FAM216A: variants seen among roughly 807,000 people sequenced by gnomAD.
The protein encoded by FAM216A is family with sequence similarity 216 member A.
FAM216A carries 26 observed loss-of-function variants against 37.6 expected under a neutral mutation model. That is an observed-to-expected ratio of 0.69 (90% CI 0.51 to 0.96). FAM216A has a LOEUF of 0.96. FAM216A is among the 40% of genes least tolerant of loss of function. The pLI is 0.00. For synonymous variants in FAM216A, 110 were observed against 121.7 expected (o/e 0.90, Z 0.64); for missense variants, 326 against 339.3 (o/e 0.96, Z 0.31).
At chr12:110,468,619 T>G, upstream of FAM216A, 1 of 1,537,196 alleles carries the variant, frequency 6.5e-7, no homozygotes, top group Non-Finnish European at 8.7e-7. Flanking sequence ...GGAAGGCACC[T>G]CTTGTTTTGG....
chr12:110,468,675 G>A (rs1161164680), upstream of FAM216A: 1 of 1,533,780 alleles, frequency 6.5e-7, no homozygotes, highest in African/African-American at 1.4e-5. Flanking sequence ...TCCACAGAGA[G>A]GTGCAAACGT....
intron 5 of FAM216A, chr12:110,486,940 TACAGAAAGCATCTCACTA>T (rs1464739031): frequency 1.8e-5 from 9 of 495,262 alleles, no homozygotes; most frequent in Admixed American, 3.6e-5. Flanking sequence ...AAATTGTTTG[TACAGAAAGCATCTCACTA>T]TGTTGGCCAA....
In FAM216A at chr12:110,486,424, C is replaced by G; in HGVS notation, c.406C>G (p.His136Asp). Reference sequence around the variant, plus strand: ...GATGTTAATGAAGAGGCAGTACATGCACGTACTTCAGCACAGCTCACAAAA... The same window carrying G: ...GATGTTAATGAAGAGGCAGTACATGGACGTACTTCAGCACAGCTCACAAAA... ...LKMLMKRQYM[H>D]VLQHSSQKPG... The change falls in exon 4 of 7, where the codon CAC becomes GAC. Residue 136 changes from histidine (H) to aspartate (D), a missense_variant. Transcript: ENST00000377673. 1 of 1,613,932 alleles carries G rather than the reference C, an allele frequency of 6.2e-7. No individual in the cohort carries two copies. Among genetic ancestry groups the G allele is most frequent in the Non-Finnish European group, 8.5e-7 (1 of 1,179,850 alleles).
chr12:110,482,794 CA>C (rs547165958), intron 2 of FAM216A, among the ~76,000 whole-genome samples: 1,440 of 93,826 alleles, frequency 0.015, 12 homozygotes, highest in Admixed American at 0.027. Context: ...GACTCCATCT[CA>C]AAAAAAAAAA....
chr12:110,469,604 G>T (rs1443971412), intron 1 of FAM216A, among the ~76,000 whole-genome samples: 3 of 151,950 alleles, frequency 2.0e-5, no homozygotes, highest in African/African-American at 7.3e-5. Flanking sequence ...CAGCCTCCCA[G>T]GTTCAAGTGA....
chr12:110,489,160 G>A (rs2062794957), intron 6 of FAM216A, among the ~76,000 whole-genome samples: 1 of 152,196 alleles, frequency 6.6e-6, no homozygotes, highest in Admixed American at 6.5e-5. Flanking sequence ...GTTAAATCAT[G>A]TTAAGTAGTT....
chr12:110,473,175 T>G, intron 2 of FAM216A, 57 bp downstream of exon 2: 1 of 946,672 alleles, frequency 1.1e-6, no homozygotes, highest in Non-Finnish European at 1.6e-6. Flanking sequence ...CTGAGAAGCC[T>G]ATTTGTCTGT....
At chr12:110,485,027 T>C in intron 2 of FAM216A, 51 bp from the exon 3 acceptor site, 2 of 1,572,946 alleles carry the variant, frequency 1.3e-6, no homozygotes, top group Non-Finnish European at 1.7e-6. Context: ...ATAATTCAGT[T>C]TGTTGAACTG....
rs539887632 is a variant in FAM216A at position 110,476,316 on chromosome 12, C to G, written c.184+3198C>G. 2.0e-5 allele frequency among the ~76,000 whole-genome samples: 3 copies of G among 151,488 alleles called. 1 individual carries two copies. The South Asian group carries it at 6.3e-4, about 32-fold the overall frequency. On this transcript the variant is annotated intron_variant, in intron 2 of 6. Coordinates refer to ENST00000377673, the MANE Select transcript of FAM216A (RefSeq NM_013300.3). The stretch of plus-strand genomic sequence containing the variant: ...CCAGGTTCACGCCATTCTCCTGCCT[C>G]AGCCTCCCGGGTAGCTGGGACTACA...
intron 2 of FAM216A, among the ~76,000 whole-genome samples, chr12:110,482,522 A>G (rs901680885): frequency 1.3e-5 from 2 of 151,396 alleles, no homozygotes; most frequent in Non-Finnish European, 3.0e-5. Context: ...CAGGCCGGGC[A>G]CGGTGGCTCA....
intron 2 of FAM216A, among the ~76,000 whole-genome samples, chr12:110,480,607 G>A (rs2062741980): frequency 6.6e-6 from 1 of 152,018 alleles, no homozygotes; most frequent in African/African-American, 2.4e-5. Context: ...ATGAGCCAAT[G>A]CACCTGGCCC....
chr12:110,487,788 G>A, intron 5 of FAM216A, 73 bp from the exon 6 acceptor site: 1 of 872,318 alleles, frequency 1.1e-6, no homozygotes, highest in Non-Finnish European at 1.9e-6. Flanking sequence ...AAACAAATTT[G>A]TGTGGTCTTC....
rs554719004 is a variant in FAM216A at position 110,474,405 on chromosome 12, C to T, written c.184+1287C>T. Among the ~76,000 whole-genome samples, 4 of 151,988 alleles carry T rather than the reference C, an allele frequency of 2.6e-5. No individual in the cohort carries two copies. The East Asian group carries it at 5.8e-4, about 22-fold the overall frequency. The stretch of plus-strand genomic sequence containing the variant: ...TCAAAGTGTTTTAAAATAATTACTA[C>T]TAGGCCGGGCACGGTGGCTCACACC... On this transcript the variant is annotated intron_variant, in intron 2 of 6. Transcript: ENST00000377673.
intron 1 of FAM216A, among the ~76,000 whole-genome samples, chr12:110,469,894 T>G (rs894182617): frequency 2.0e-5 from 3 of 152,146 alleles, no homozygotes; most frequent in African/African-American, 7.2e-5. Flanking sequence ...ACACTGAAGT[T>G]CCTTTTTTCA....
intron 3 of FAM216A, among the ~76,000 whole-genome samples, chr12:110,485,438 ACT>A (rs2062772319): frequency 6.6e-6 from 1 of 152,134 alleles, no homozygotes; most frequent in Non-Finnish European, 1.5e-5. Context: ...ATGTATCTTT[ACT>A]GAGGGGAAGC....
chr12:110,470,060 A>C (rs1217435686), intron 1 of FAM216A, among the ~76,000 whole-genome samples: 1 of 150,274 alleles, frequency 6.7e-6, no homozygotes, highest in Admixed American at 6.6e-5. Context: ...GTTCAGTACA[A>C]CCCGCAGTCA....
chr12:110,469,151 T>G (rs1237563529), intron 1 of FAM216A, 133 bp downstream of exon 1: 2 of 1,083,584 alleles, frequency 1.8e-6, no homozygotes, highest in Non-Finnish European at 2.5e-6. Flanking sequence ...TGCCCTCAAG[T>G]GAGAGGCGGG....
chr12:110,487,331 C>T (rs1461730056), intron 5 of FAM216A: 1 of 152,972 alleles, frequency 6.5e-6, no homozygotes, highest in Non-Finnish European at 1.5e-5. Context: ...GACGGGGTTT[C>T]TCCATGTTGG....
intron 2 of FAM216A, among the ~76,000 whole-genome samples, chr12:110,479,121 G>A (rs1352181389): frequency 1.3e-5 from 2 of 151,438 alleles, no homozygotes; most frequent in African/African-American, 2.4e-5. Context: ...CCTGGGAGGC[G>A]GAGCTTGCAG....
Sources: allele counts gnomAD v4.1 joint callset (sites outside exome capture counted in the v4.1 genomes callset), GRCh38; gene constraint gnomAD v4.1.1; transcripts MANE v1.5; gene names NCBI Gene and HGNC (gene_info 2026-07-23, HGNC 2026-07-21).